Variants in LINGO2 observed in about 807,000 individuals in gnomAD.
LINGO2 encodes the protein leucine-rich repeat and immunoglobulin-like domain-containing nogo receptor-interacting protein 2.
LINGO2 carries 14 observed loss-of-function variants against 30.6 expected under a neutral mutation model. The ratio of observed to expected loss-of-function variants is 0.46; its 90% CI spans 0.30 to 0.72. LINGO2 has a LOEUF of 0.72. Ranked by LOEUF, LINGO2 falls within the 30% of genes least tolerant of loss-of-function variation. LINGO2 has a pLI of 0.07. For missense variants in LINGO2, 729 were observed against 751.7 expected (o/e 0.97, Z 0.35); for synonymous variants, 317 against 288.5 (o/e 1.10, Z -1.00).
chr9:29,036,106 G>C, the LINGO2 span, among the ~76,000 whole-genome samples: 1 of 152,008 alleles, frequency 6.6e-6, no homozygotes, highest in African/African-American at 2.4e-5. Flanking sequence ...TCCAGACTAT[G>C]AAAATGGATT....
At chr9:29,154,532 A>G in the LINGO2 span, among the ~76,000 whole-genome samples, 1 of 152,082 alleles carries the variant, frequency 6.6e-6, no homozygotes, top group Non-Finnish European at 1.5e-5. Flanking sequence ...TTTCTAATAA[A>G]AGGGGAAGCG....
the LINGO2 span, among the ~76,000 whole-genome samples, chr9:29,039,860 A>C: frequency 6.6e-6 from 1 of 152,136 alleles, no homozygotes; most frequent in African/African-American, 2.4e-5. Context: ...TAGGACAGGC[A>C]CTGGTGAAAA....
chr9:27,965,084 A>G (rs145253956), intron 5 of LINGO2, among the ~76,000 whole-genome samples: 14 of 152,258 alleles, frequency 9.2e-5, no homozygotes, highest in Admixed American at 8.5e-4. Flanking sequence ...GGAGTTAGAC[A>G]GAAGTCATGA....
chr9:28,190,806 G>T (rs1301308552), intron 4 of LINGO2, among the ~76,000 whole-genome samples: 4 of 152,162 alleles, frequency 2.6e-5, no homozygotes, highest in Admixed American at 2.0e-4. Context: ...GGAAGGTCAA[G>T]CCACTAGTCC....
At chr9:28,018,838 G>C (rs1822970667) in intron 4 of LINGO2, among the ~76,000 whole-genome samples, 1 of 151,938 alleles carries the variant, frequency 6.6e-6, no homozygotes, top group African/African-American at 2.4e-5. Context: ...CCCATTATTG[G>C]GTATATACGC....
At chr9:28,404,450 GTTAT>G (rs1195533963) in intron 2 of LINGO2, among the ~76,000 whole-genome samples, 7 of 152,050 alleles carry the variant, frequency 4.6e-5, no homozygotes, top group African/African-American at 1.7e-4. Flanking sequence ...TCTCATAGAT[GTTAT>G]TTACTCTAAA....
chr9:28,440,982 A>C (rs1013669960), intron 2 of LINGO2, among the ~76,000 whole-genome samples: 2 of 152,172 alleles, frequency 1.3e-5, no homozygotes, highest in African/African-American at 4.8e-5. Flanking sequence ...TGGAAACTTA[A>C]TCCCAAATGT....
the LINGO2 span, among the ~76,000 whole-genome samples, chr9:29,142,500 A>T: frequency 6.6e-6 from 1 of 151,866 alleles, no homozygotes; most frequent in Non-Finnish European, 1.5e-5. Context: ...AAAAAAATAG[A>T]AAAAGAAAAA....
chr9:28,809,801 G>A, the LINGO2 span, among the ~76,000 whole-genome samples: 7 of 147,410 alleles, frequency 4.7e-5, no homozygotes, highest in African/African-American at 1.7e-4. Flanking sequence ...TTAATTTCAT[G>A]TCTTGCAATT....
At chr9:28,281,420 G>A (rs947839973) in intron 4 of LINGO2, among the ~76,000 whole-genome samples, 2 of 151,580 alleles carry the variant, frequency 1.3e-5, no homozygotes, top group Non-Finnish European at 2.9e-5. Context: ...CACTTCCATT[G>A]AAATAAATTC....
At chr9:28,304,879 C>G (rs1308648971) in intron 3 of LINGO2, among the ~76,000 whole-genome samples, 1 of 151,916 alleles carries the variant, frequency 6.6e-6, no homozygotes, top group Admixed American at 6.6e-5. Flanking sequence ...TAAACTGTAG[C>G]TGAGGTTATA....
intron 4 of LINGO2, among the ~76,000 whole-genome samples, chr9:28,017,040 A>G (rs981471326): frequency 3.3e-5 from 5 of 152,134 alleles, no homozygotes; most frequent in African/African-American, 1.2e-4. Flanking sequence ...TTCAACATAC[A>G]TACATCAATA....
At chr9:28,894,627 T>C in the LINGO2 span, among the ~76,000 whole-genome samples, 1 of 151,882 alleles carries the variant, frequency 6.6e-6, no homozygotes, top group African/African-American at 2.4e-5. Flanking sequence ...TAGTATTTTT[T>C]GCCAATGAAT....
chr9:28,727,362 T>A, the LINGO2 span, among the ~76,000 whole-genome samples: 2,201 of 152,092 alleles, frequency 0.014, 56 homozygotes, highest in African/African-American at 0.051. Context: ...CTCAGCTCAC[T>A]GCAAGCTCCG....
At chr9:29,134,647 T>A in the LINGO2 span, among the ~76,000 whole-genome samples, 5 of 152,100 alleles carry the variant, frequency 3.3e-5, no homozygotes, top group African/African-American at 1.2e-4. Flanking sequence ...TAAACATTCT[T>A]AGAAAGTTAC....
intron 4 of LINGO2, among the ~76,000 whole-genome samples, chr9:28,251,347 T>C (rs999055676): frequency 1.6e-4 from 24 of 152,264 alleles, no homozygotes; most frequent in African/African-American, 5.5e-4. Context: ...TCAGGGTAGT[T>C]GCAATATGCC....
At chr9:29,186,956 T>C in the LINGO2 span, among the ~76,000 whole-genome samples, 1 of 152,078 alleles carries the variant, frequency 6.6e-6, no homozygotes, top group African/African-American at 2.4e-5. Flanking sequence ...TTTTAAACGG[T>C]TTTCATATAG....
At chr9:29,072,564 C>G in the LINGO2 span, among the ~76,000 whole-genome samples, 2 of 147,216 alleles carry the variant, frequency 1.4e-5, no homozygotes, top group Non-Finnish European at 3.0e-5. Flanking sequence ...ACACAAATAT[C>G]TCAAGGATCC....
At chr9:28,898,295 A>G in the LINGO2 span, among the ~76,000 whole-genome samples, 1 of 152,220 alleles carries the variant, frequency 6.6e-6, no homozygotes, top group Non-Finnish European at 1.5e-5. Context: ...TTATCATCCA[A>G]AATAATTGGG....
Sources: gnomAD v4.1 joint callset for allele counts (sites outside exome capture counted in the v4.1 genomes callset) on GRCh38, gnomAD v4.1.1 for gene constraint, MANE v1.5 for transcripts, NCBI Gene and HGNC (gene_info 2026-07-23, HGNC 2026-07-21) for gene names.